The following MAF variants were observed in gnomAD, a reference collection of about 807,000 sequenced individuals.
The protein encoded by MAF is transcription factor Maf.
In MAF, 10 loss-of-function variants were observed where a neutral mutation model predicts 22.0. That is an observed-to-expected ratio of 0.45 (90% CI 0.28 to 0.77). MAF has a LOEUF of 0.77. MAF is among the 30% of genes least tolerant of loss of function. The probability of loss-of-function intolerance (pLI) is 0.12; values close to 1 mark genes in which losing one functional copy is unlikely to be tolerated. For synonymous variants in MAF, 337 were observed against 255.8 expected (o/e 1.32, Z -3.03); for missense variants, 544 against 548.4 (o/e 0.99, Z 0.08).
At chr16:79,443,341 C>T in the MAF span, among the ~76,000 whole-genome samples, 17 of 152,166 alleles carry the variant, frequency 1.1e-4, no homozygotes, top group African/African-American at 4.1e-4. Flanking sequence ...ACAAGTATTT[C>T]ATGTTGACCA....
chr16:79,523,715 G>T, the MAF span, among the ~76,000 whole-genome samples: 1 of 152,144 alleles, frequency 6.6e-6, no homozygotes, highest in East Asian at 1.9e-4. Flanking sequence ...TTACAGAAGG[G>T]GAAGCTGAGA....
the MAF span, among the ~76,000 whole-genome samples, chr16:79,563,123 C>T: frequency 0.026 from 4,004 of 152,210 alleles, 179 homozygotes; most frequent in African/African-American, 0.092. Context: ...ATTTATCGTA[C>T]GGGCTGAAGG....
the MAF span, among the ~76,000 whole-genome samples, chr16:79,338,296 CA>C: frequency 2.6e-5 from 4 of 152,118 alleles, no homozygotes; most frequent in Non-Finnish European, 5.9e-5. Context: ...GGGGCTAAAT[CA>C]CAGATGACTT....
the MAF span, among the ~76,000 whole-genome samples, chr16:79,538,866 A>AAAG: frequency 3.9e-3 from 456 of 117,450 alleles, 3 homozygotes; most frequent in African/African-American, 0.015. Context: ...AAAAGAAAAG[A>AAAG]AAAGAAAAGA....
chr16:79,424,206 T>C, the MAF span, among the ~76,000 whole-genome samples: 1 of 152,184 alleles, frequency 6.6e-6, no homozygotes, highest in Non-Finnish European at 1.5e-5. Context: ...AAACACCCTG[T>C]TTGTCTGAAG....
At chr16:79,368,234 C>A in the MAF span, among the ~76,000 whole-genome samples, 1 of 152,120 alleles carries the variant, frequency 6.6e-6, no homozygotes, top group Non-Finnish European at 1.5e-5. Context: ...ACTGAATATC[C>A]TTACATAAAA....
the MAF span, among the ~76,000 whole-genome samples, chr16:79,434,884 T>G: frequency 6.6e-6 from 1 of 152,086 alleles, no homozygotes; most frequent in Admixed American, 6.5e-5. Flanking sequence ...CAGAAACCCA[T>G]ATCGAGGTAC....
chr16:79,210,161 T>G, the MAF span, among the ~76,000 whole-genome samples: 1 of 152,234 alleles, frequency 6.6e-6, no homozygotes, highest in African/African-American at 2.4e-5. Context: ...TCGTATCACT[T>G]GACTGCATTT....
the MAF span, among the ~76,000 whole-genome samples, chr16:79,484,254 T>C: frequency 6.6e-6 from 1 of 152,188 alleles, no homozygotes. Flanking sequence ...CCCTCCGTCT[T>C]CTTAGTCAAC....
At chr16:79,525,657 C>T in the MAF span, among the ~76,000 whole-genome samples, 8 of 152,026 alleles carry the variant, frequency 5.3e-5, no homozygotes, top group Non-Finnish European at 1.0e-4. Context: ...ACATTTGAAT[C>T]CCCTTCATTT....
chr16:79,305,344 G>C, the MAF span, among the ~76,000 whole-genome samples: 1 of 152,228 alleles, frequency 6.6e-6, no homozygotes, highest in South Asian at 2.1e-4. Flanking sequence ...CAGGACTGCA[G>C]AGGTGAGGTA....
At chr16:79,533,847 C>G in the MAF span, among the ~76,000 whole-genome samples, 43 of 152,298 alleles carry the variant, frequency 2.8e-4, no homozygotes, top group African/African-American at 9.4e-4. Context: ...AAATAACATT[C>G]TCCCTCCTCT....
At chr16:79,323,751 G>C in the MAF span, among the ~76,000 whole-genome samples, 448 of 152,256 alleles carry the variant, frequency 2.9e-3, 5 homozygotes, top group African/African-American at 0.01. Context: ...CAACATCTTT[G>C]CTGACAACAG....
At chr16:79,302,104 T>C in the MAF span, among the ~76,000 whole-genome samples, 51 of 152,280 alleles carry the variant, frequency 3.3e-4, no homozygotes, top group African/African-American at 1.2e-3. Context: ...GGACACGCCT[T>C]CCTACACCTG....
chr16:79,580,893 G>C (rs79768809), downstream of MAF, among the ~76,000 whole-genome samples: 3 of 152,198 alleles, frequency 2.0e-5, no homozygotes, highest in Non-Finnish European at 4.4e-5. Context: ...AATAGCCTTT[G>C]AGCGTTGGGA....
the MAF span, among the ~76,000 whole-genome samples, chr16:79,520,896 C>T: frequency 6.6e-6 from 1 of 152,128 alleles, no homozygotes; most frequent in Non-Finnish European, 1.5e-5. Context: ...CATTTGCTTA[C>T]CCTACTTCCG....
the MAF span, among the ~76,000 whole-genome samples, chr16:79,213,699 T>C: frequency 8.5e-5 from 13 of 152,144 alleles, no homozygotes; most frequent in Non-Finnish European, 1.5e-4. Context: ...GTTAGTTAGT[T>C]AGACATGTAA....
chr16:79,414,955 G>A, the MAF span, among the ~76,000 whole-genome samples: 1 of 152,202 alleles, frequency 6.6e-6, no homozygotes, highest in South Asian at 2.1e-4. Flanking sequence ...TGAGGCAGGG[G>A]AACAGAGACC....
the MAF span, among the ~76,000 whole-genome samples, chr16:79,397,319 C>A: frequency 6.6e-6 from 1 of 152,272 alleles, no homozygotes; most frequent in South Asian, 2.1e-4. Flanking sequence ...GAGTTAAATG[C>A]AGATTAATGC....
Sources: gnomAD v4.1 joint callset for allele counts (sites outside exome capture counted in the v4.1 genomes callset) on GRCh38, gnomAD v4.1.1 for gene constraint, MANE v1.5 for transcripts, NCBI Gene and HGNC (gene_info 2026-07-23, HGNC 2026-07-21) for gene names.